The following PTK2 variants were observed in gnomAD, a reference collection of about 807,000 sequenced individuals.
The protein encoded by PTK2 is protein tyrosine kinase 2.
Under a neutral mutation model 150.1 loss-of-function variants are expected in PTK2, and 45 were observed. That is an observed-to-expected ratio of 0.30 (90% confidence interval 0.24 to 0.38). The LOEUF (loss-of-function observed/expected upper bound fraction) is 0.38. Among genes scored for constraint, PTK2 ranks in the 10% least tolerant of loss-of-function variants. The probability of loss-of-function intolerance (pLI) is 1.00; values close to 1 mark genes in which losing one functional copy is unlikely to be tolerated. For synonymous variants in PTK2, 432 were observed against 449.2 expected, an observed-to-expected ratio of 0.96 and a Z score of 0.48; for missense variants, 919 against 1,307.3, an observed-to-expected ratio of 0.70 and a Z score of 4.58.
intron 1 of PTK2, among the ~76,000 whole-genome samples, chr8:140,952,694 A>C (rs954508806): frequency 5.9e-5 from 9 of 152,194 alleles, no homozygotes; most frequent in African/African-American, 2.2e-4. Context: ...TAACAACATA[A>C]ACAAAATGCC....
chr8:140,966,056 T>C (rs1291738397), intron 1 of PTK2, among the ~76,000 whole-genome samples: 1 of 143,414 alleles, frequency 7.0e-6, no homozygotes, highest in Admixed American at 7.0e-5. Flanking sequence ...TTCCTGCCTT[T>C]CTATTAGGAG....
intron 2 of PTK2, among the ~76,000 whole-genome samples, chr8:140,891,338 A>T (rs1399207984): frequency 2.0e-5 from 3 of 152,172 alleles, no homozygotes; most frequent in African/African-American, 7.2e-5. Context: ...GCACAATTAA[A>T]ATTTTTAAGT....
chr8:140,675,318 G>T, intron 28 of PTK2, 142 bp downstream of exon 31: 1 of 845,422 alleles, frequency 1.2e-6, no homozygotes, highest in Non-Finnish European at 1.9e-6. Flanking sequence ...TGAGCTGAAT[G>T]TGGTAAACAT....
chr8:140,789,385 G>T, intron 14 of PTK2, 89 bp downstream of exon 14: 2 of 1,307,952 alleles, frequency 1.5e-6, no homozygotes, highest in Non-Finnish European at 2.1e-6. Flanking sequence ...AGCTATTCTA[G>T]AACGAAGCAA....
intron 4 of PTK2, among the ~76,000 whole-genome samples, chr8:140,866,892 T>C (rs1317432729): frequency 1.3e-5 from 2 of 152,072 alleles, no homozygotes; most frequent in South Asian, 2.1e-4. Flanking sequence ...TTATAAAGGG[T>C]AGTCAATGAT....
chr8:140,964,921 A>T (rs1462829094), intron 1 of PTK2, among the ~76,000 whole-genome samples: 1 of 152,156 alleles, frequency 6.6e-6, no homozygotes, highest in Non-Finnish European at 1.5e-5. Context: ...TATTTATCCT[A>T]TATCCTCTTT....
At chr8:140,684,511 A>G (rs1301363567) in intron 27 of PTK2, among the ~76,000 whole-genome samples, 2 of 152,226 alleles carry the variant, frequency 1.3e-5, no homozygotes, top group African/African-American at 4.8e-5. Context: ...CAACTTCAGC[A>G]AAGTTTCAGG....
intron 20 of PTK2, among the ~76,000 whole-genome samples, chr8:140,739,382 G>T (rs2100054394): frequency 6.6e-6 from 1 of 151,896 alleles, no homozygotes; most frequent in African/African-American, 2.4e-5. Context: ...GTTTACCAGG[G>T]GTTTAGGTGC....
chr8:140,762,133 T>C (rs985090992), intron 15 of PTK2, among the ~76,000 whole-genome samples: 4 of 152,178 alleles, frequency 2.6e-5, no homozygotes, highest in Non-Finnish European at 5.9e-5. Flanking sequence ...CAAATATTTT[T>C]ACATGTTCTC....
At chr8:140,900,978 T>C (rs532757388) in intron 2 of PTK2, among the ~76,000 whole-genome samples, 5 of 152,142 alleles carry the variant, frequency 3.3e-5, no homozygotes, top group Admixed American at 3.3e-4. Context: ...AGAACAAAGC[T>C]GGAGACATTA....
intron 1 of PTK2, among the ~76,000 whole-genome samples, chr8:140,933,848 C>G (rs976347696): frequency 1.3e-5 from 2 of 151,348 alleles, no homozygotes; most frequent in African/African-American, 4.9e-5. Flanking sequence ...GAGAATTATA[C>G]GTCAATTTAA....
chr8:140,978,545 T>C (rs1006028605), intron 1 of PTK2, among the ~76,000 whole-genome samples: 34 of 151,884 alleles, frequency 2.2e-4, no homozygotes, highest in Non-Finnish European at 4.4e-4. Flanking sequence ...GAAATGCAAA[T>C]CAAAACCACA....
chr8:140,735,472 A>C lies in PTK2; in HGVS notation c.1826-17T>G. 1 of 1,611,500 alleles carries C rather than the reference A, an allele frequency of 6.2e-7. No homozygotes were observed. The highest frequency in any genetic ancestry group is 8.5e-7 in the Non-Finnish European group (1 of 1,177,594). On this transcript the variant is annotated splice_polypyrimidine_tract_variant and intron_variant, in intron 21 of 31. Transcript: ENST00000522684. Reference sequence around the variant, plus strand: ...TACACACACCTGTCAAGTGGGAATGAAAACACAACAGTGAGCTCAGTATGA... The same window carrying C: ...TACACACACCTGTCAAGTGGGAATGCAAACACAACAGTGAGCTCAGTATGA...
chr8:140,741,961 C>T (rs551449402), intron 20 of PTK2, among the ~76,000 whole-genome samples: 8 of 151,714 alleles, frequency 5.3e-5, no homozygotes, highest in Non-Finnish European at 8.8e-5. Context: ...CTAGGCAACA[C>T]GGCAAAACTC....
At chr8:140,663,478 G>A (rs1223781390) in intron 31 of PTK2, among the ~76,000 whole-genome samples, 1 of 152,222 alleles carries the variant, frequency 6.6e-6, no homozygotes, top group African/African-American at 2.4e-5. Flanking sequence ...TGCAGATCCT[G>A]GACTCTGTAG....
intron 8 of PTK2, chr8:140,821,501 A>G (rs1044105459): frequency 2.0e-5 from 3 of 152,244 alleles, no homozygotes; most frequent in African/African-American, 7.2e-5. Context: ...GCTTGGTGAA[A>G]AAAATAAAGT....
chr8:140,824,100 C>A (rs1157147549), intron 8 of PTK2, among the ~76,000 whole-genome samples: 2 of 152,136 alleles, frequency 1.3e-5, no homozygotes, highest in African/African-American at 4.8e-5. Flanking sequence ...TTGGTTTGAT[C>A]CTCATTTTCT....
chr8:140,865,252 G>A (rs1389716588), intron 4 of PTK2, among the ~76,000 whole-genome samples: 1 of 152,170 alleles, frequency 6.6e-6, no homozygotes, highest in African/African-American at 2.4e-5. Context: ...TTTGTAGAGA[G>A]AGGGTCTCAC....
At chr8:140,833,547 G>A (rs965520554) in intron 7 of PTK2, among the ~76,000 whole-genome samples, 2 of 152,078 alleles carry the variant, frequency 1.3e-5, no homozygotes, top group Non-Finnish European at 2.9e-5. Context: ...ATATGAGGTC[G>A]CCTCTCTCCA....
Sources: gnomAD v4.1 joint callset for allele counts (sites outside exome capture counted in the v4.1 genomes callset) on GRCh38, gnomAD v4.1.1 for gene constraint, MANE v1.5 for transcripts, NCBI Gene and HGNC (gene_info 2026-07-23, HGNC 2026-07-21) for gene names.